STK24: variants seen among roughly 807,000 people sequenced by gnomAD.
STK24 encodes the protein serine/threonine-protein kinase 24.
Under a neutral mutation model 55.6 loss-of-function variants are expected in STK24, and 21 were observed. The ratio of observed to expected loss-of-function variants is 0.38; its 90% CI spans 0.27 to 0.54. The LOEUF (loss-of-function observed/expected upper bound fraction) is 0.54. STK24 is among the 20% of genes least tolerant of loss of function. The pLI is 0.79. For synonymous variants in STK24, 200 were observed against 215.2 expected (o/e 0.93, Z 0.62); for missense variants, 383 against 538.4 (o/e 0.71, Z 2.86).
chr13:98,474,987 GAA>G lies in STK24; in HGVS notation c.440-11_440-10del. ...CAGCAGGACGTTGGCCGCTGCAAAA[GAA>G]AGCCAAGGCGGCCCTGGGCGGTGCG... On this transcript the variant is annotated splice_polypyrimidine_tract_variant and intron_variant, in intron 4 of 10. Transcript: ENST00000539966. The G allele has an allele frequency of 6.2e-7, 1 of 1,606,512 alleles. No homozygotes were observed. Among genetic ancestry groups the G allele is most frequent in the Non-Finnish European group, 8.5e-7 (1 of 1,176,498 alleles).
chr13:98,548,507 A>G (rs1056900042), intron 1 of STK24, among the ~76,000 whole-genome samples: 1 of 152,132 alleles, frequency 6.6e-6, no homozygotes. Flanking sequence ...CTCAAATCAC[A>G]CAGCTGATGA....
At chr13:98,502,260 G>A (rs899122226) in intron 2 of STK24, among the ~76,000 whole-genome samples, 3 of 152,154 alleles carry the variant, frequency 2.0e-5, no homozygotes, top group Non-Finnish European at 4.4e-5. Context: ...TCCTATCTGC[G>A]TTCCTGGCCC....
At position 98,542,398 on chromosome 13, in the gene STK24, C is replaced by CA. The variant is rs1481727708; in HGVS notation, c.43-22926dup. Among the ~76,000 whole-genome samples, 229 of 150,734 alleles carry CA rather than the reference C, an allele frequency of 1.5e-3. 1 individual carries two copies. The highest frequency in any genetic ancestry group is 4.7e-3 in the African/African-American group (193 of 40,684). ...TATGCACAAACAACAACAACAACAA[C>CA]AAAAAAAACGGCCAATTGGTAGGTT... is the stretch of plus-strand genomic sequence containing the variant. On this transcript the variant is annotated intron_variant, in intron 1 of 10. Transcript: ENST00000539966.
intron 1 of STK24, among the ~76,000 whole-genome samples, chr13:98,568,278 T>C (rs763321306): frequency 2.0e-4 from 30 of 151,974 alleles, no homozygotes; most frequent in Non-Finnish European, 3.8e-4. Context: ...ATTACAGGCA[T>C]GAGCCATCGC....
chr13:98,445,959 C>CG lies in STK24; in HGVS notation c.*7213dup, dbSNP rs920691187. On this transcript the variant is annotated 3_prime_UTR_variant, in exon 11 of 11. Transcript: ENST00000539966. The stretch of plus-strand genomic sequence containing the variant: ...AGGACCTGCCAAGTCTCCCCACACA[C>CG]GGGGGAGCGGGGGTGGGGCCCACAT... 1.2e-5 allele frequency: 7 copies of CG among 604,494 alleles called. No homozygotes were observed. Among genetic ancestry groups the CG allele is most frequent in the African/African-American group, 1.1e-4 (6 of 53,674 alleles). The allele number at this position is 604,494 out of a possible 1,614,324, so 37.4% of individuals were successfully genotyped here. A position where few individuals can be genotyped will look rare whatever the true frequency, so the allele number is the denominator to read the frequency against.
intron 2 of STK24, among the ~76,000 whole-genome samples, chr13:98,513,840 G>C (rs1210994086): frequency 6.6e-6 from 1 of 152,188 alleles, no homozygotes; most frequent in East Asian, 1.9e-4. Context: ...AGGCATAGGA[G>C]AGTTCACCCA....
intron 2 of STK24, among the ~76,000 whole-genome samples, chr13:98,499,379 G>A (rs984040970): frequency 8.5e-5 from 13 of 152,286 alleles, no homozygotes; most frequent in Admixed American, 4.6e-4. Flanking sequence ...GTGGGGATGC[G>A]GCACCTGCAT....
In STK24 at chr13:98,446,198, C is replaced by T. The variant is rs751487619; in HGVS notation, c.*6975G>A. On this transcript the variant is annotated 3_prime_UTR_variant, in exon 11 of 11. Coordinates refer to ENST00000539966, the MANE Select transcript of STK24 (RefSeq NM_001032296.4). ...AACTTCTGCCTGTTCTTCTACAAAT[C>T]ACACCAGGTAAGTGTCTCGCACAGG... 1.2e-6 allele frequency: 2 copies of T among 1,610,322 alleles called. No homozygotes were observed. Among genetic ancestry groups the T allele is most frequent in the Non-Finnish European group, 8.5e-7 (1 of 1,176,812 alleles).
At chr13:98,464,654 C>T (rs1893862090) in intron 6 of STK24, among the ~76,000 whole-genome samples, 1 of 151,602 alleles carries the variant, frequency 6.6e-6, no homozygotes, top group African/African-American at 2.4e-5. Flanking sequence ...CACCACCACA[C>T]CAGGCTAATT....
At chr13:98,471,561 C>G (rs1319289174) in intron 5 of STK24, among the ~76,000 whole-genome samples, 1 of 152,132 alleles carries the variant, frequency 6.6e-6, no homozygotes, top group Non-Finnish European at 1.5e-5. Flanking sequence ...AAGGTTCTTA[C>G]GACATATGGG....
chr13:98,506,280 C>T lies in STK24; in HGVS notation c.273+12963G>A, dbSNP rs1895677216. 2.0e-5 allele frequency among the ~76,000 whole-genome samples: 3 copies of T among 152,160 alleles called. No homozygotes were observed. The South Asian group carries it at 6.2e-4, about 32-fold the overall frequency. ...TTCTCACGGACCCTGTGCTAGGATG[C>T]AAAGGTGACAAGGAAATAAAATACA... On this transcript the variant is annotated intron_variant, in intron 2 of 10. Coordinates refer to ENST00000539966, the MANE Select transcript of STK24 (RefSeq NM_001032296.4).
chr13:98,473,767 A>G (rs369192573), intron 5 of STK24, among the ~76,000 whole-genome samples: 7 of 152,266 alleles, frequency 4.6e-5, no homozygotes, highest in African/African-American at 1.7e-4. Flanking sequence ...AGACGGGCTC[A>G]CTCCTCCCAA....
intron 1 of STK24, among the ~76,000 whole-genome samples, chr13:98,561,186 G>A (rs1395240525): frequency 6.6e-6 from 1 of 152,192 alleles, no homozygotes; most frequent in Non-Finnish European, 1.5e-5. Flanking sequence ...CCTAGGCAAA[G>A]CAATTAACTA....
intron 2 of STK24, among the ~76,000 whole-genome samples, chr13:98,518,569 G>T (rs937408047): frequency 6.6e-6 from 1 of 152,198 alleles, no homozygotes; most frequent in African/African-American, 2.4e-5. Flanking sequence ...TGAAACACAA[G>T]AACGGTCATA....
At chr13:98,511,935 G>A (rs975321183) in intron 2 of STK24, among the ~76,000 whole-genome samples, 2 of 141,744 alleles carry the variant, frequency 1.4e-5, no homozygotes, top group African/African-American at 5.3e-5. Context: ...GAGTCTCGCT[G>A]TGTCACCCAG....
intron 1 of STK24, among the ~76,000 whole-genome samples, chr13:98,551,543 A>T (rs1253037045): frequency 2.0e-5 from 3 of 151,876 alleles, no homozygotes; most frequent in Non-Finnish European, 4.4e-5. Flanking sequence ...GGGAGGAAGG[A>T]AAAACCTAAC....
At chr13:98,545,114 T>C (rs1025529359) in intron 1 of STK24, among the ~76,000 whole-genome samples, 1 of 152,178 alleles carries the variant, frequency 6.6e-6, no homozygotes, top group Admixed American at 6.5e-5. Context: ...ACTACCTAGG[T>C]AGACATCAAT....
At chr13:98,535,784 T>C (rs1218089214) in intron 1 of STK24, among the ~76,000 whole-genome samples, 3 of 152,214 alleles carry the variant, frequency 2.0e-5, no homozygotes, top group African/African-American at 7.2e-5. Context: ...AAAGTGCTCA[T>C]GAGCTGCAAG....
intron 1 of STK24, among the ~76,000 whole-genome samples, chr13:98,571,326 CAAG>C (rs1303895582): frequency 6.6e-6 from 1 of 152,126 alleles, no homozygotes; most frequent in East Asian, 1.9e-4. Flanking sequence ...ACCGTAGCTC[CAAG>C]AAGAGCATCA....
Sources: allele counts gnomAD v4.1 joint callset (sites outside exome capture counted in the v4.1 genomes callset), GRCh38; gene constraint gnomAD v4.1.1; transcripts MANE v1.5; gene names NCBI Gene and HGNC (gene_info 2026-07-23, HGNC 2026-07-21).